Variants in NBDY observed in about 807,000 individuals in gnomAD.
NBDY encodes P-body dissociating protein.
intron 2 of NBDY, among the ~76,000 whole-genome samples, chrX:56,753,276 G>T (rs1244282939): frequency 8.9e-6 from 1 of 112,465 alleles, no homozygotes; most frequent in African/African-American, 3.2e-5. Flanking sequence ...ACAAAGGATA[G>T]ATAGTGATCC....
chrX:56,755,238 T>C (rs2069604055), intron 2 of NBDY, among the ~76,000 whole-genome samples: 1 of 112,273 alleles, frequency 8.9e-6, no homozygotes, highest in East Asian at 2.8e-4. Context: ...GGGCAAGGAC[T>C]TCATGTCTAA....
At chrX:56,814,810 C>T (rs999696945) in intron 2 of NBDY, among the ~76,000 whole-genome samples, 8 of 110,929 alleles carry the variant, frequency 7.2e-5, no homozygotes, top group African/African-American at 1.6e-4. Context: ...TCTTCTCTTC[C>T]GCTGTTCACC....
intron 2 of NBDY, among the ~76,000 whole-genome samples, chrX:56,785,651 C>T (rs764255926): frequency 9.0e-5 from 10 of 111,529 alleles, no homozygotes; most frequent in African/African-American, 3.3e-4. Flanking sequence ...GCCTCCTGAA[C>T]CAACAGGCCT....
At chrX:56,763,997 C>T (rs1047720944) in intron 2 of NBDY, among the ~76,000 whole-genome samples, 2 of 112,462 alleles carry the variant, frequency 1.8e-5, no homozygotes, top group Non-Finnish European at 3.8e-5. Flanking sequence ...GGAAACCCCA[C>T]GAGCGCAAAA....
chrX:56,797,870 C>T (rs899998758), intron 2 of NBDY, among the ~76,000 whole-genome samples: 3 of 111,837 alleles, frequency 2.7e-5, no homozygotes, highest in Admixed American at 9.5e-5. Flanking sequence ...TTACAAAACC[C>T]ATACACACAT....
chrX:56,809,942 GGC>G (rs2069876639), intron 2 of NBDY, among the ~76,000 whole-genome samples: 1 of 111,771 alleles, frequency 8.9e-6, no homozygotes, highest in African/African-American at 3.3e-5. Context: ...TTGTAAGGCA[GGC>G]CTGGTGGTGA....
chrX:56,746,429 A>T (rs2069558654), intron 2 of NBDY, among the ~76,000 whole-genome samples: 1 of 111,120 alleles, frequency 9.0e-6, no homozygotes, highest in African/African-American at 3.3e-5. Context: ...ATTTTATTGC[A>T]TGGATTCTGT....
intron 2 of NBDY, among the ~76,000 whole-genome samples, chrX:56,809,451 C>CATAT (rs2069873673): frequency 8.9e-6 from 1 of 112,109 alleles, no homozygotes; most frequent in Non-Finnish European, 1.9e-5. Context: ...GTATTGAGTG[C>CATAT]ATATATATTG....
chrX:56,751,701 A>G (rs1016929154), intron 2 of NBDY, among the ~76,000 whole-genome samples: 8 of 112,481 alleles, frequency 7.1e-5, no homozygotes, highest in African/African-American at 2.6e-4. Flanking sequence ...CCACTATTCT[A>G]ACATCTGTCA....
intron 2 of NBDY, among the ~76,000 whole-genome samples, chrX:56,785,072 A>G (rs1241234016): frequency 1.8e-5 from 2 of 110,611 alleles, no homozygotes; most frequent in Non-Finnish European, 3.8e-5. Context: ...TGATTCTCAC[A>G]CTCATGAGAG....
intron 2 of NBDY, among the ~76,000 whole-genome samples, chrX:56,803,522 G>A (rs1231041440): frequency 8.9e-6 from 1 of 111,844 alleles, no homozygotes; most frequent in African/African-American, 3.2e-5. Context: ...TCTTGGGGCT[G>A]CCTGGCTGCT....
Position 56,814,493 on chromosome X carries a change from A to ATT in NBDY, c.*167-2813_*167-2812dup, listed in dbSNP as rs374647825. On this transcript the variant is annotated intron_variant, in intron 2 of 2. Coordinates refer to ENST00000374922, the MANE Select transcript of NBDY (RefSeq NM_001348129.2). ...TTAAGTGACCCAAGTTATGAACCACATTTTTTTTTTTTTTTCTGAGAGGGA... is the reference window on the plus strand; with the variant it reads ...TTAAGTGACCCAAGTTATGAACCACATTTTTTTTTTTTTTTTTCTGAGAGGGA... 1.6e-4 allele frequency among the ~76,000 whole-genome samples: 16 copies of ATT among 97,291 alleles called. No homozygotes were observed. The East Asian group carries it at 3.3e-3, about 20-fold the overall frequency. The allele number at this position is 97,291 out of a possible 115,157, so 84.5% of individuals were successfully genotyped here.
rs924407606 is a variant in NBDY, at chrX:56,764,949, A to G, written c.*166+32750A>G. On this transcript the variant is annotated intron_variant, in intron 2 of 2. Transcript: ENST00000374922. ...TTCCTCTGTGAGGCCACAAGAGGCC[A>G]CTCATAGTGCTGCCAGCTGTCCATC... Among the ~76,000 whole-genome samples, 4 of 112,159 alleles carry G rather than the reference A, an allele frequency of 3.6e-5. No homozygotes were observed. In the Admixed American group the frequency reaches 3.7e-4, roughly 10 times the overall value.
At chrX:56,745,086 A>G (rs1243882802) in intron 2 of NBDY, among the ~76,000 whole-genome samples, 2 of 111,496 alleles carry the variant, frequency 1.8e-5, no homozygotes, top group Admixed American at 1.9e-4. Context: ...AATAAGGATT[A>G]CGTGAACATA....
At chrX:56,787,826 G>C (rs1389317530) in intron 2 of NBDY, among the ~76,000 whole-genome samples, 1 of 112,614 alleles carries the variant, frequency 8.9e-6, no homozygotes, top group African/African-American at 3.2e-5. Context: ...GTAGCTGCCT[G>C]TTGAGTGGGT....
intron 2 of NBDY, among the ~76,000 whole-genome samples, chrX:56,782,646 G>A (rs1033707219): frequency 8.0e-5 from 9 of 112,143 alleles, no homozygotes; most frequent in Non-Finnish European, 1.7e-4. Context: ...GTTATTTCCT[G>A]TTCTGTTCGT....
intron 2 of NBDY, among the ~76,000 whole-genome samples, chrX:56,789,166 G>A (rs1263077614): frequency 8.9e-6 from 1 of 112,911 alleles, no homozygotes; most frequent in East Asian, 2.8e-4. Context: ...GAAGAAACTG[G>A]CCAAGGATCA....
chrX:56,781,864 G>A (rs1162419618), intron 2 of NBDY, among the ~76,000 whole-genome samples: 1 of 111,524 alleles, frequency 9.0e-6, no homozygotes, highest in Admixed American at 9.5e-5. Context: ...CCTGGTGTCC[G>A]ATTCCTCCCC....
In NBDY at chrX:56,817,977, C is replaced by T. The variant is rs2069918300; in HGVS notation, c.*824C>T. On this transcript the variant is annotated 3_prime_UTR_variant, in exon 3 of 3. Transcript: ENST00000374922. ...ACAAATAGAATATCCTAATTAAAAA[C>T]AGTAATAAATATTATGGTGAAAAAA... The T allele has an allele frequency of 9.0e-6, 1 of 110,926 alleles. No individual in the cohort carries two copies. Among genetic ancestry groups the T allele is most frequent in the South Asian group, 3.7e-4 (1 of 2,689 alleles). 9.1% of individuals were successfully genotyped at this position (110,926 alleles called of 1,213,427 possible).
Sources: allele counts gnomAD v4.1 joint callset (sites outside exome capture counted in the v4.1 genomes callset), GRCh38; gene constraint gnomAD v4.1.1; transcripts MANE v1.5; gene names NCBI Gene and HGNC (gene_info 2026-07-23, HGNC 2026-07-21).